Variants in INSC observed in about 807,000 individuals in gnomAD.
INSC encodes INSC spindle orientation adaptor protein.
A neutral mutation model predicts 58.6 loss-of-function variants in INSC; 67 were observed. The observed-to-expected ratio is 1.14, with a 90% CI of 0.94 to 1.40. The LOEUF is 1.40. Ranked by LOEUF, INSC falls within the 40% of genes most tolerant of loss-of-function variation. The pLI is 0.00. For synonymous variants in INSC, 262 were observed against 276.1 expected (o/e 0.95, Z 0.51); for missense variants, 714 against 692.0 (o/e 1.03, Z -0.36).
intron 12 of INSC, 100 bp downstream of exon 12, chr11:15,240,623 T>C (rs1461559574): frequency 1.2e-6 from 1 of 857,200 alleles, no homozygotes; most frequent in East Asian, 2.6e-5. Flanking sequence ...CAGTAAGCCA[T>C]AAAACCTCTC....
the INSC span, among the ~76,000 whole-genome samples, chr11:15,262,689 A>ACACAC: frequency 4.1e-5 from 3 of 72,812 alleles, no homozygotes; most frequent in Admixed American, 1.4e-4. Flanking sequence ...CACACACACA[A>ACACAC]ACAGTATCTC....
intron 9 of INSC, among the ~76,000 whole-genome samples, chr11:15,229,861 C>A (rs1448275377): frequency 1.4e-5 from 2 of 144,614 alleles, no homozygotes; most frequent in Non-Finnish European, 3.0e-5. Context: ...AGTTCAAGAC[C>A]AGCCTGGGCA....
At chr11:15,229,530 A>G (rs1238356017) in intron 9 of INSC, among the ~76,000 whole-genome samples, 2 of 152,094 alleles carry the variant, frequency 1.3e-5, no homozygotes, top group African/African-American at 2.4e-5. Flanking sequence ...CTGAGCCACA[A>G]TTTCCTCATC....
intron 12 of INSC, among the ~76,000 whole-genome samples, chr11:15,243,290 C>T (rs1852429416): frequency 6.6e-6 from 1 of 152,124 alleles, no homozygotes; most frequent in African/African-American, 2.4e-5. Flanking sequence ...AAGGCGTTTC[C>T]CAGCTTCAAA....
chr11:15,122,027 C>T (rs1253729743), intron 1 of INSC, among the ~76,000 whole-genome samples: 2 of 152,112 alleles, frequency 1.3e-5, no homozygotes, highest in African/African-American at 4.8e-5. Context: ...TCCTTTTAGT[C>T]GAAAATGGTA....
At chr11:15,265,389 T>C in the INSC span, among the ~76,000 whole-genome samples, 31 of 152,088 alleles carry the variant, frequency 2.0e-4, no homozygotes, top group African/African-American at 7.2e-4. Flanking sequence ...GATAGAAATA[T>C]TTTGAATAAT....
intron 2 of INSC, among the ~76,000 whole-genome samples, chr11:15,154,930 G>T (rs1848763657): frequency 6.6e-6 from 1 of 152,146 alleles, no homozygotes; most frequent in South Asian, 2.1e-4. Flanking sequence ...TTGCCTTGTG[G>T]CTGGGATGGA....
intron 1 of INSC, among the ~76,000 whole-genome samples, chr11:15,124,568 C>T (rs1241509219): frequency 6.6e-6 from 1 of 152,104 alleles, no homozygotes; most frequent in Admixed American, 6.5e-5. Flanking sequence ...ACTATGATTG[C>T]ACTTTGGCCC....
At chr11:15,250,304 T>G (rs755729428), downstream of INSC, among the ~76,000 whole-genome samples, 14 of 152,226 alleles carry the variant, frequency 9.2e-5, no homozygotes, top group Admixed American at 2.6e-4. Context: ...ATCTGTAAAG[T>G]AGGGATAATA....
intron 2 of INSC, among the ~76,000 whole-genome samples, chr11:15,170,012 A>T (rs889482637): frequency 6.6e-6 from 1 of 152,184 alleles, no homozygotes; most frequent in Admixed American, 6.6e-5. Context: ...CCAGTCCCTG[A>T]TATAAAATTG....
chr11:15,208,482 C>T (rs909946451), intron 7 of INSC, among the ~76,000 whole-genome samples: 4 of 152,222 alleles, frequency 2.6e-5, no homozygotes, highest in African/African-American at 9.7e-5. Flanking sequence ...TCACTTTCGA[C>T]ATACCAAGGC....
chr11:15,165,277 T>TA (rs199885186), intron 2 of INSC, among the ~76,000 whole-genome samples: 2,619 of 152,218 alleles, frequency 0.017, 61 homozygotes, highest in African/African-American at 0.06. Flanking sequence ...GACTTTTAAG[T>TA]AAAAAAGGTT....
chr11:15,195,883 C>T (rs970456183), intron 6 of INSC, among the ~76,000 whole-genome samples: 2 of 152,240 alleles, frequency 1.3e-5, no homozygotes, highest in Non-Finnish European at 2.9e-5. Context: ...ATCTACCATG[C>T]TGCCTGACTT....
chr11:15,166,769 G>A (rs1014546292), intron 2 of INSC, among the ~76,000 whole-genome samples: 4 of 152,184 alleles, frequency 2.6e-5, no homozygotes, highest in Non-Finnish European at 4.4e-5. Flanking sequence ...AACAATGACT[G>A]CTTTTGAGGA....
intron 9 of INSC, among the ~76,000 whole-genome samples, chr11:15,229,973 T>TTATATA (rs1851814923): frequency 1.5e-4 from 2 of 13,538 alleles, no homozygotes; most frequent in African/African-American, 5.8e-4. Flanking sequence ...TATATATATA[T>TTATATA]ATATATTATA....
chr11:15,160,197 G>A (rs1329154490), intron 2 of INSC, among the ~76,000 whole-genome samples: 7 of 152,152 alleles, frequency 4.6e-5, no homozygotes, highest in Admixed American at 4.6e-4. Context: ...GGGCACATGG[G>A]ACATAAATTT....
At chr11:15,168,152 A>G (rs1174583624) in intron 2 of INSC, among the ~76,000 whole-genome samples, 1 of 152,098 alleles carries the variant, frequency 6.6e-6, no homozygotes, top group African/African-American at 2.4e-5. Context: ...CACATGCAGG[A>G]TGTGCAGGTT....
chr11:15,115,987 T>TG (rs1847683611), intron 1 of INSC, among the ~76,000 whole-genome samples: 1 of 152,102 alleles, frequency 6.6e-6, no homozygotes, highest in African/African-American at 2.4e-5. Context: ...CTGGCCTCAG[T>TG]GGGGAATATT....
At chr11:15,172,429 A>T (rs2133814844) in intron 2 of INSC, among the ~76,000 whole-genome samples, 1 of 152,356 alleles carries the variant, frequency 6.6e-6, no homozygotes, top group African/African-American at 2.4e-5. Context: ...TTTTCTGAAT[A>T]ACTGATATAT....
Sources: gnomAD v4.1 joint callset for allele counts (sites outside exome capture counted in the v4.1 genomes callset) on GRCh38, gnomAD v4.1.1 for gene constraint, MANE v1.5 for transcripts, NCBI Gene and HGNC (gene_info 2026-07-23, HGNC 2026-07-21) for gene names.